The following CGN variants were observed in gnomAD, a reference collection of about 807,000 sequenced individuals.
CGN encodes cingulin.
Under a neutral mutation model 157.1 loss-of-function variants are expected in CGN, and 121 were observed. The ratio of observed to expected loss-of-function variants is 0.77; its 90% confidence interval spans 0.66 to 0.90. The LOEUF (loss-of-function observed/expected upper bound fraction) is 0.90, where lower values mean the gene tolerates loss of function less well. CGN is among the 40% of genes least tolerant of loss of function. The pLI, the probability that CGN is intolerant of heterozygous loss-of-function variation, is 0.00. For missense variants in CGN, 1,424 were observed against 1,520.9 expected, an observed-to-expected ratio of 0.94 and a Z score of 1.06; for synonymous variants, 535 against 607.5, an observed-to-expected ratio of 0.88 and a Z score of 1.76.
intron 5 of CGN, among the ~76,000 whole-genome samples, chr1:151,523,181 C>T (rs1010686189): frequency 1.3e-5 from 2 of 152,142 alleles, no homozygotes; most frequent in African/African-American, 4.8e-5. Flanking sequence ...TAAGTCAAGC[C>T]CGTGCTCGAG....
At chr1:151,530,382 A>G in intron 12 of CGN, 107 bp from the exon 13 acceptor site, 2 of 1,358,072 alleles carry the variant, frequency 1.5e-6, no homozygotes, top group African/African-American at 1.5e-5. Context: ...TTCATTGCAC[A>G]TCATTTTCAT....
rs1286479110 is a variant in CGN, at chr1:151,537,347, C to G, written c.*1C>G. The G allele has an allele frequency of 6.2e-7, 1 of 1,612,370 alleles. No individual in the cohort carries two copies. The highest frequency in any genetic ancestry group is 1.3e-5 in the African/African-American group (1 of 74,880). ...CAACCTACAGACCAGCTCCTGTTAGCTCGTGGTCCTCAAGGACTCAGAAAC... is the reference window on the plus strand; with the variant it reads ...CAACCTACAGACCAGCTCCTGTTAGGTCGTGGTCCTCAAGGACTCAGAAAC... On this transcript the variant is annotated 3_prime_UTR_variant, in exon 21 of 21. Coordinates refer to ENST00000271636, the MANE Select transcript of CGN (RefSeq NM_020770.3).
Position 151,523,444 on chromosome 1 carries a change from A to G in CGN, c.1151A>G (p.Lys384Arg), listed in dbSNP as rs112862974. Residue 384 changes from lysine to arginine, a missense_variant, in exon 6 of 21, where the codon AAG becomes AGG. Physicochemically the swap from Lys to Arg is conservative, Grantham distance 26 (BLOSUM62 2). Around this residue, in one of 3 missense-constraint regions of CGN, gnomAD observed 1,187 missense variants for 1,217.6 expected, o/e 0.97. Transcript: ENST00000271636. Reference protein sequence around the residue: ...KLDEEVKKRQKLEPSQVGLER... With the variant: ...KLDEEVKKRQRLEPSQVGLER... ...CATTCCCTTTTACAGAAGCGGCAGA[A>G]GCTAGAGCCATCCCAAGTTGGGCTG... The G allele has an allele frequency of 5.0e-6, 8 of 1,612,870 alleles. No homozygotes were observed.
At position 151,519,249 on chromosome 1, in the gene CGN, C is replaced by T; in HGVS notation, c.730C>T (p.His244Tyr). Residue 244 changes from histidine (H) to tyrosine (Y), a missense_variant, in exon 2 of 21, where the codon CAT (histidine) becomes TAT (tyrosine). Physicochemically the swap from His to Tyr is moderately conservative, Grantham distance 83. Around this residue, in one of 3 missense-constraint regions of CGN, gnomAD observed 1,187 missense variants for 1,217.6 expected, o/e 0.97. Coordinates refer to ENST00000271636, the MANE Select transcript of CGN (RefSeq NM_020770.3). ...GACCTCTAGCACAAAATATGACAAC[C>T]ATGTGGGCACTTCGAAGCAGCCAGC... ...HWTSSTKYDN[H>Y]VGTSKQPAQS... 1 of 1,614,162 alleles carries T rather than the reference C, an allele frequency of 6.2e-7. No individual in the cohort carries two copies. Among genetic ancestry groups the T allele is most frequent in the Non-Finnish European group, 8.5e-7 (1 of 1,180,040 alleles).
At chr1:151,520,753 A>T (rs1262494951) in intron 5 of CGN, 62 bp downstream of exon 5, 1 of 1,352,674 alleles carries the variant, frequency 7.4e-7, no homozygotes, top group Non-Finnish European at 1.0e-6. Flanking sequence ...CTTGGCCTGG[A>T]GATGGGCTGA....
In CGN at chr1:151,535,001, G is replaced by A. The variant is rs749706792; in HGVS notation, c.2905-41G>A. The A allele has an allele frequency of 2.8e-6, 4 of 1,452,390 alleles. No individual in the cohort carries two copies. In the Admixed American group the frequency reaches 5.1e-5, roughly 19 times the overall value. The allele number at this position is 1,452,390 out of a possible 1,614,324, so 90.0% of individuals were successfully genotyped here. ...CCTGGTCTGAGTTTGGCATTCTGGT[G>A]TCCAGCATTTGGGACAGAATTACTT... is the stretch of plus-strand genomic sequence containing the variant. On this transcript the variant is annotated intron_variant, in intron 15 of 20. Transcript: ENST00000271636.
At position 151,538,268 on chromosome 1, in the gene CGN, G is replaced by C. The variant is rs1477965144; in HGVS notation, c.*922G>C. On this transcript the variant is annotated 3_prime_UTR_variant, in exon 21 of 21. Coordinates refer to ENST00000271636, the MANE Select transcript of CGN (RefSeq NM_020770.3). Reference sequence around the variant, plus strand: ...ACAACTGGCTGCACAAATTCCAAAAGTAAAGGTGTCAGTCCCTGTGGCCTT... The same window carrying C: ...ACAACTGGCTGCACAAATTCCAAAACTAAAGGTGTCAGTCCCTGTGGCCTT... 1 of 152,260 alleles carries C rather than the reference G, an allele frequency of 6.6e-6. No individual in the cohort carries two copies. The highest frequency in any genetic ancestry group is 1.5e-5 in the Non-Finnish European group (1 of 68,080). The allele number at this position is 152,260 out of a possible 1,614,324, so 9.4% of individuals were successfully genotyped here.
Position 151,534,056 on chromosome 1 carries a change from C to T in CGN, c.2824C>T (p.Arg942Ter), listed in dbSNP as rs1417762574. ...GCTGGACAAAGAGCTACTGGCCCAG[C>T]GACTGCAGGGGCTGGAGCAAGAGGC... is the stretch of plus-strand genomic sequence containing the variant. ...ARLDKELLAQ[R>*]LQGLEQEAEN... The change falls in exon 15 of 21, where the codon CGA (arginine) becomes TGA (stop). Residue 942 changes from arginine (R) to a stop codon, truncating the protein, a stop_gained. Transcript: ENST00000271636. LOFTEE classifies it high-confidence loss of function. 15 of 1,613,598 alleles carry T rather than the reference C, an allele frequency of 9.3e-6. No individual in the cohort carries two copies. The highest frequency in any genetic ancestry group is 3.3e-5 in the Admixed American group (2 of 59,966).
At chr1:151,530,777 A>T in intron 13 of CGN, 31 bp downstream of exon 13, 3 of 1,550,160 alleles carry the variant, frequency 1.9e-6, no homozygotes, top group Non-Finnish European at 2.6e-6. Context: ...GGCCTTTAGG[A>T]AGAGGCCCAG....
chr1:151,512,189 T>TGA (rs149076389), intron 1 of CGN, among the ~76,000 whole-genome samples: 8,763 of 151,346 alleles, frequency 0.058, 893 homozygotes, highest in East Asian at 0.43. Context: ...TTCTTCCTCT[T>TGA]GAGAGAGAGA....
intron 5 of CGN, among the ~76,000 whole-genome samples, chr1:151,521,231 G>A (rs956413606): frequency 7.2e-5 from 11 of 152,300 alleles, no homozygotes; most frequent in Middle Eastern, 3.4e-3. Context: ...TCTAAAGCCA[G>A]TGTACCCTTT....
chr1:151,532,614 T>TC, intron 14 of CGN, 42 bp downstream of exon 14: 1 of 354,206 alleles, frequency 2.8e-6, no homozygotes, highest in South Asian at 1.2e-4. Context: ...CCTTGCCTCT[T>TC]TTTTTTTTTT....
intron 5 of CGN, among the ~76,000 whole-genome samples, chr1:151,522,946 A>C (rs1250620587): frequency 6.6e-6 from 1 of 152,112 alleles, no homozygotes; most frequent in African/African-American, 2.4e-5. Flanking sequence ...AAAATCAATA[A>C]AAATAATAAA....
At chr1:151,517,609 C>T (rs1664443724) in intron 1 of CGN, among the ~76,000 whole-genome samples, 1 of 150,962 alleles carries the variant, frequency 6.6e-6, no homozygotes, top group Non-Finnish European at 1.5e-5. Context: ...CTCCCGGGTT[C>T]AAGCAATTCT....
At chr1:151,523,665 TC>T in intron 6 of CGN, 104 bp downstream of exon 6, 1 of 1,193,640 alleles carries the variant, frequency 8.4e-7, no homozygotes, top group Non-Finnish European at 1.1e-6. Context: ...GAAGGAAATC[TC>T]CAGAAGCTGA....
chr1:151,535,674 GGAGA>G lies in CGN; in HGVS notation c.3072_3075del (p.Glu1024AspfsTer6). Reference sequence around the variant, plus strand: ...ACCTGGAGTGTGACAAAATCTCCTTGGAGAGACAGGTGATGGGGGAGGGGAGGAT... The same window carrying G: ...ACCTGGAGTGTGACAAAATCTCCTTGGACAGGTGATGGGGGAGGGGAGGAT... On this transcript the variant is annotated frameshift_variant, in exon 17 of 21. Transcript: ENST00000271636. LOFTEE classifies it high-confidence loss of function. 1.2e-6 allele frequency: 2 copies of G among 1,613,966 alleles called. No homozygotes were observed. Among genetic ancestry groups the G allele is most frequent in the Non-Finnish European group, 1.7e-6 (2 of 1,179,832 alleles).
chr1:151,518,948 C>A lies in CGN; in HGVS notation c.429C>A (p.Gly143=). 1 of 1,614,118 alleles carries A rather than the reference C, an allele frequency of 6.2e-7. No homozygotes were observed. Residue 143 remains glycine (G), a synonymous_variant, in exon 2 of 21, where the codon GGC becomes GGA. Transcript: ENST00000271636. ...CCCACTCCCAGGCCTCACTGGCAGG[C>A]CCTGGCCCAGTGGATCCTAGTAACA... is the stretch of plus-strand genomic sequence containing the variant. ...LRSHSQASLA[G]PGPVDPSNRS...
chr1:151,530,507 G>C lies in CGN; in HGVS notation c.2332G>C (p.Glu778Gln), dbSNP rs1417502914. The stretch of plus-strand genomic sequence containing the variant: ...CTCCCAGGCAGAGAAACAGCAGCTG[G>C]AGGAGGCCCTGAATGCGTCCCAGGA... ...QRLEAEKQQL[E>Q]EALNASQEEE... Residue 778 changes from glutamate to glutamine, a missense_variant, in exon 13 of 21, where the codon GAG (glutamate) becomes CAG (glutamine). By Grantham distance (29) the Glu-to-Gln change is conservative (BLOSUM62 2). Coordinates refer to ENST00000271636, the MANE Select transcript of CGN (RefSeq NM_020770.3). The C allele has an allele frequency of 1.9e-6, 3 of 1,592,378 alleles. No homozygotes were observed. Among genetic ancestry groups the C allele is most frequent in the Non-Finnish European group, 2.6e-6 (3 of 1,174,538 alleles).
chr1:151,525,607 T>C (rs1664655561), intron 8 of CGN, 35 bp from the exon 9 acceptor site: 2 of 1,517,534 alleles, frequency 1.3e-6, no homozygotes, highest in African/African-American at 2.9e-5. Flanking sequence ...CTCTTCCCTC[T>C]GAGCCTTCTG....
Sources: allele counts gnomAD v4.1 joint callset (sites outside exome capture counted in the v4.1 genomes callset), GRCh38; gene constraint gnomAD v4.1.1; regional missense constraint gnomAD v4.1.1; transcripts MANE v1.5; gene names NCBI Gene and HGNC (gene_info 2026-07-23, HGNC 2026-07-21).